The following CCDC3 variants were observed in gnomAD, a reference collection of about 807,000 sequenced individuals.
CCDC3 encodes the protein coiled-coil domain containing 3.
CCDC3 carries 24 observed loss-of-function variants against 21.4 expected under a neutral mutation model. The ratio of observed to expected loss-of-function variants is 1.12; its 90% CI spans 0.81 to 1.58. The LOEUF is 1.58. Ranked by LOEUF, CCDC3 falls within the 40% of genes most tolerant of loss-of-function variation. The pLI, the probability that CCDC3 is intolerant of heterozygous loss-of-function variation, is 0.00. For missense variants in CCDC3, 425 were observed against 360.9 expected, an observed-to-expected ratio of 1.18 and a Z score of -1.44; for synonymous variants, 186 against 166.0, an observed-to-expected ratio of 1.12 and a Z score of -0.93.
At chr10:13,087,588 C>G (rs1217210912) in intron 3 of CCDC3, among the ~76,000 whole-genome samples, 2 of 151,980 alleles carry the variant, frequency 1.3e-5, no homozygotes, top group African/African-American at 4.8e-5. Context: ...GAGATCGAAG[C>G]ACAGAAGGGC....
Position 12,934,880 on chromosome 10 carries a change from C to T in CCDC3, c.550-36201G>A, listed in dbSNP as rs138922078. 3.5e-3 allele frequency among the ~76,000 whole-genome samples: 539 copies of T among 152,194 alleles called. 4 individuals carry two copies. Among genetic ancestry groups the T allele is most frequent in the African/African-American group, 0.012 (510 of 41,530 alleles). ...ACTCCTAGGCTCAATCTTCCTACCT[C>T]GGCCTCCCACAGTGTTTGGATTACA... On this transcript the variant is annotated intron_variant, in intron 2 of 2. Coordinates refer to ENST00000378825, the MANE Select transcript of CCDC3 (RefSeq NM_031455.4).
At chr10:13,054,673 C>T (rs1372756910) in intron 4 of CCDC3, among the ~76,000 whole-genome samples, 1 of 151,976 alleles carries the variant, frequency 6.6e-6, no homozygotes, top group Non-Finnish European at 1.5e-5. Flanking sequence ...CCTCTCTGCT[C>T]CTCTCTTTTT....
At chr10:13,047,792 A>G (rs565633195) in intron 5 of CCDC3, among the ~76,000 whole-genome samples, 1 of 152,272 alleles carries the variant, frequency 6.6e-6, no homozygotes, top group Admixed American at 6.5e-5. Context: ...TCTTGTGTGA[A>G]CCAAAAAGCA....
chr10:13,074,645 TTTG>T (rs1270857347), intron 3 of CCDC3, among the ~76,000 whole-genome samples: 1 of 151,440 alleles, frequency 6.6e-6, no homozygotes, highest in Non-Finnish European at 1.5e-5. Context: ...TGTTAAAGCA[TTTG>T]TTATCACTTC....
chr10:13,026,421 T>A (rs1352989375), intron 5 of CCDC3, among the ~76,000 whole-genome samples: 2 of 152,202 alleles, frequency 1.3e-5, no homozygotes, highest in Admixed American at 1.3e-4. Context: ...TAGAACATTT[T>A]GAACAAAGGT....
chr10:12,940,779 C>T (rs549805022), intron 2 of CCDC3, among the ~76,000 whole-genome samples: 10 of 152,292 alleles, frequency 6.6e-5, no homozygotes, highest in African/African-American at 2.4e-4. Context: ...GCCTAACCCT[C>T]CATGTTCCAA....
At chr10:13,006,308 C>T (rs971601040), upstream of CCDC3, among the ~76,000 whole-genome samples, 6 of 152,174 alleles carry the variant, frequency 3.9e-5, no homozygotes, top group South Asian at 8.3e-4. Flanking sequence ...TCAGTAGCTA[C>T]GAAGCAAATG....
intron 5 of CCDC3, among the ~76,000 whole-genome samples, chr10:13,040,150 C>T (rs191942468): frequency 8.1e-4 from 123 of 152,124 alleles, no homozygotes; most frequent in Non-Finnish European, 1.6e-3. Flanking sequence ...ATGAGAGGGA[C>T]GTCTCAGAAG....
chr10:12,993,497 T>C (rs1355404489), intron 2 of CCDC3, among the ~76,000 whole-genome samples: 1 of 152,222 alleles, frequency 6.6e-6, no homozygotes, highest in East Asian at 1.9e-4. Flanking sequence ...TGACATTTTA[T>C]GACAGACTGA....
At chr10:12,969,011 T>C (rs1447227858) in intron 2 of CCDC3, among the ~76,000 whole-genome samples, 1 of 152,158 alleles carries the variant, frequency 6.6e-6, no homozygotes, top group Non-Finnish European at 1.5e-5. Flanking sequence ...TCAATAATTA[T>C]CTTGAGTGTA....
At chr10:13,058,114 C>T in intron 4 of CCDC3, 1 of 821,168 alleles carries the variant, frequency 1.2e-6, no homozygotes, top group Non-Finnish European at 2.1e-6. Context: ...CAATAAATTC[C>T]TTGTTTTCAG....
chr10:12,945,166 A>G (rs1834895919), intron 2 of CCDC3, among the ~76,000 whole-genome samples: 1 of 152,240 alleles, frequency 6.6e-6, no homozygotes, highest in Non-Finnish European at 1.5e-5. Flanking sequence ...TTGTCAATCT[A>G]CAGACAGCTA....
chr10:13,003,642 C>T (rs480472), upstream of CCDC3, among the ~76,000 whole-genome samples: 4,026 of 152,248 alleles, frequency 0.026, 196 homozygotes, highest in African/African-American at 0.092. Flanking sequence ...TACTGTAACT[C>T]ATCAGATAAG....
chr10:13,009,048 G>A (rs576264744), intron 5 of CCDC3, among the ~76,000 whole-genome samples: 1 of 152,182 alleles, frequency 6.6e-6, no homozygotes, highest in South Asian at 2.1e-4. Context: ...CTACAAAAAA[G>A]CTACTAGAAT....
chr10:12,960,168 A>AC (rs1554756648), intron 2 of CCDC3, among the ~76,000 whole-genome samples: 15 of 148,854 alleles, frequency 1.0e-4, no homozygotes, highest in East Asian at 6.0e-4. Flanking sequence ...ACACACACAC[A>AC]ACACACACAC....
At chr10:13,038,374 C>CAAAAAAAAAAAAAAAAAA (rs58667035) in intron 5 of CCDC3, among the ~76,000 whole-genome samples, 1 of 98,844 alleles carries the variant, frequency 1.0e-5, no homozygotes, top group Non-Finnish European at 2.0e-5. Context: ...AGTTGGAAAG[C>CAAAAAAAAAAAAAAAAAA]AAAAAAAAAA....
chr10:13,072,841 ATCATT>A (rs1166312791), intron 4 of CCDC3, among the ~76,000 whole-genome samples: 1 of 148,126 alleles, frequency 6.8e-6, no homozygotes, highest in Admixed American at 6.9e-5. Context: ...TGCCTGCACA[ATCATT>A]TCTTTTCTTT....
At chr10:13,007,767 A>T (rs1048510383) in intron 5 of CCDC3, among the ~76,000 whole-genome samples, 6 of 152,346 alleles carry the variant, frequency 3.9e-5, no homozygotes. Flanking sequence ...TATTTTAGTT[A>T]TGTAAAAAAT....
At chr10:13,024,744 A>G (rs1048687824) in intron 5 of CCDC3, among the ~76,000 whole-genome samples, 1 of 152,208 alleles carries the variant, frequency 6.6e-6, no homozygotes, top group South Asian at 2.1e-4. Flanking sequence ...TGCGCATTCC[A>G]TATTTTCTGC....
Sources: gnomAD v4.1 joint callset for allele counts (sites outside exome capture counted in the v4.1 genomes callset) on GRCh38, gnomAD v4.1.1 for gene constraint, MANE v1.5 for transcripts, NCBI Gene and HGNC (gene_info 2026-07-23, HGNC 2026-07-21) for gene names.